The following FAM151B variants were observed in gnomAD, a reference collection of about 807,000 sequenced individuals.
The protein encoded by FAM151B is family with sequence similarity 151 member B, also known as protein FAM151B.
Under a neutral mutation model 31.2 loss-of-function variants are expected in FAM151B, and 24 were observed. That is an observed-to-expected ratio of 0.77 (90% CI 0.56 to 1.08). FAM151B has a LOEUF of 1.08. Ranked by LOEUF, FAM151B falls within the 50% of genes least tolerant of loss-of-function variation. The pLI is 0.00. For missense variants in FAM151B, 293 were observed against 328.6 expected (o/e 0.89, Z 0.84); for synonymous variants, 105 against 111.4 (o/e 0.94, Z 0.36).
intron 5 of FAM151B, among the ~76,000 whole-genome samples, chr5:80,530,296 A>C (rs1745174155): frequency 6.6e-6 from 1 of 152,040 alleles, no homozygotes. Flanking sequence ...ATGGGCAAAA[A>C]CTGGAAGCAT....
intron 2 of FAM151B, among the ~76,000 whole-genome samples, chr5:80,504,680 C>T (rs1012622507): frequency 2.6e-5 from 4 of 151,958 alleles, no homozygotes; most frequent in Admixed American, 6.6e-5. Flanking sequence ...CCACCATGCC[C>T]AGCTAATTTT....
At chr5:80,494,456 T>TTTCTTTCTTTCTTTTC (rs753640131) in intron 1 of FAM151B, among the ~76,000 whole-genome samples, 8 of 82,746 alleles carry the variant, frequency 9.7e-5, no homozygotes, top group African/African-American at 3.5e-4. Flanking sequence ...TCTTTCTTTC[T>TTTCTTTCTTTCTTTTC]TTTCTTTCTT....
intron 5 of FAM151B, among the ~76,000 whole-genome samples, chr5:80,536,232 G>A (rs778591882): frequency 2.0e-5 from 3 of 152,070 alleles, no homozygotes; most frequent in South Asian, 2.1e-4. Context: ...GTGCAATGGC[G>A]TGATCTCGGC....
intron 5 of FAM151B, among the ~76,000 whole-genome samples, chr5:80,529,489 A>G (rs1745124628): frequency 6.6e-6 from 1 of 152,228 alleles, no homozygotes; most frequent in African/African-American, 2.4e-5. Flanking sequence ...ATAGACCGCT[A>G]GCAAGACTAA....
intron 1 of FAM151B, chr5:80,501,146 T>C: frequency 2.7e-6 from 1 of 364,390 alleles, no homozygotes; most frequent in Non-Finnish European, 5.1e-6. Context: ...CTGGAGTAAC[T>C]GGGATTACAG....
At chr5:80,513,838 T>A (rs1242789474) in intron 3 of FAM151B, 69 bp downstream of exon 3, 4 of 1,408,156 alleles carry the variant, frequency 2.8e-6, no homozygotes, top group Non-Finnish European at 3.8e-6. Flanking sequence ...CTATTTTTTT[T>A]AATGTTATCC....
intron 3 of FAM151B, among the ~76,000 whole-genome samples, chr5:80,516,811 T>C (rs1438714620): frequency 6.6e-6 from 1 of 152,244 alleles, no homozygotes; most frequent in East Asian, 1.9e-4. Flanking sequence ...CAATATTGAG[T>C]CTTCCAGGCT....
intron 1 of FAM151B, among the ~76,000 whole-genome samples, chr5:80,489,738 C>T (rs1320950159): frequency 6.6e-6 from 1 of 152,162 alleles, no homozygotes; most frequent in Non-Finnish European, 1.5e-5. Context: ...TCCTGGCTAA[C>T]ACAGTGAAAC....
rs1554059092 is a variant in FAM151B, at chr5:80,538,483, T to TTTCTTTCCTTCC, written c.672-3187_672-3186insTTTCCTTCCTTC. 2.2e-3 allele frequency among the ~76,000 whole-genome samples: 223 copies of TTTCTTTCCTTCC among 101,010 alleles called. 5 individuals carry two copies. The highest frequency in any genetic ancestry group is 5.6e-3 in the Middle Eastern group (1 of 180). The allele number at this position is 101,010 out of a possible 152,430, so 66.3% of individuals were successfully genotyped here. A position where few individuals can be genotyped will look rare whatever the true frequency, so the allele number is the denominator to read the frequency against. On this transcript the variant is annotated intron_variant, in intron 5 of 5. Transcript: ENST00000282226. ...CTTTCTTTCTTTCTTTCTTTCTTTC[T>TTTCTTTCCTTCC]TTCCTTCCTTCCTTCCTTTCTTTTC... is the stretch of plus-strand genomic sequence containing the variant.
chr5:80,489,727 A>G (rs1331146844), intron 1 of FAM151B, among the ~76,000 whole-genome samples: 1 of 152,208 alleles, frequency 6.6e-6, no homozygotes, highest in African/African-American at 2.4e-5. Flanking sequence ...GATCAAGACC[A>G]TCCTGGCTAA....
chr5:80,513,456 A>G, intron 2 of FAM151B, 148 bp from the exon 3 acceptor site: 3 of 692,900 alleles, frequency 4.3e-6, no homozygotes, highest in Non-Finnish European at 4.6e-6. Context: ...CGGACCTTGT[A>G]TACTGCCTGG....
At chr5:80,500,386 G>T in intron 1 of FAM151B, 2 of 1,231,118 alleles carry the variant, frequency 1.6e-6, no homozygotes, top group South Asian at 2.4e-5. Flanking sequence ...AAACCCTTAA[G>T]AAAAAGCAAG....
chr5:80,500,499 G>A (rs1328085634), intron 1 of FAM151B: 2 of 771,318 alleles, frequency 2.6e-6, no homozygotes, highest in Non-Finnish European at 4.6e-6. Context: ...GCAAAACACT[G>A]TCACAAGGAA....
intron 5 of FAM151B, chr5:80,522,637 C>CTGTAGTCTCAGCTACTCGGG (rs1744772490): frequency 6.6e-6 from 1 of 152,156 alleles, no homozygotes; most frequent in African/African-American, 2.4e-5. Flanking sequence ...TGGCAAGCAC[C>CTGTAGTCTCAGCTACTCGGG]TGTAGTCTCA....
Position 80,542,150 on chromosome 5 carries a change from G to T in FAM151B, c.*318G>T, listed in dbSNP as rs1343616404. 1 of 215,222 alleles carries T rather than the reference G, an allele frequency of 4.6e-6. No individual in the cohort carries two copies. The highest frequency in any genetic ancestry group is 9.1e-6 in the Non-Finnish European group (1 of 110,468). The allele number at this position is 215,222 out of a possible 1,614,324, so 13.3% of individuals were successfully genotyped here. On this transcript the variant is annotated 3_prime_UTR_variant, in exon 6 of 6. Coordinates refer to ENST00000282226, the MANE Select transcript of FAM151B (RefSeq NM_205548.3). ...GCAGAATCCATATGTCATAAAACAG[G>T]TATAAATCACATGTGCTTGGCACTT...
chr5:80,538,470 CTT>C lies in FAM151B; in HGVS notation c.672-3201_672-3200del, dbSNP rs1337505071. On this transcript the variant is annotated intron_variant, in intron 5 of 5. Coordinates refer to ENST00000282226, the MANE Select transcript of FAM151B (RefSeq NM_205548.3). ...TTTCTCTTTCTTTCTTTCTTTCTTT[CTT>C]TCTTTCTTTCTTTCCTTCCTTCCTT... Among the ~76,000 whole-genome samples, 215 of 123,248 alleles carry C rather than the reference CTT, an allele frequency of 1.7e-3. 8 individuals carry two copies. The highest frequency in any genetic ancestry group is 4.3e-3 in the African/African-American group (128 of 29,918). 80.9% of individuals were successfully genotyped at this position (123,248 alleles called of 152,430 possible). A position where few individuals can be genotyped will look rare whatever the true frequency, so the allele number is the denominator to read the frequency against.
intron 1 of FAM151B, among the ~76,000 whole-genome samples, chr5:80,495,513 G>A (rs1743498441): frequency 6.6e-6 from 1 of 152,130 alleles, no homozygotes; most frequent in African/African-American, 2.4e-5. Flanking sequence ...TTCAATAGAG[G>A]ATGTAACTGC....
chr5:80,539,545 G>T (rs1580465829), intron 5 of FAM151B, among the ~76,000 whole-genome samples: 1 of 152,130 alleles, frequency 6.6e-6, no homozygotes, highest in African/African-American at 2.4e-5. Flanking sequence ...AAGCTGGAGT[G>T]CAGTGGCACT....
chr5:80,494,344 T>C (rs1010811654), intron 1 of FAM151B, among the ~76,000 whole-genome samples: 2 of 152,226 alleles, frequency 1.3e-5, no homozygotes, highest in African/African-American at 4.8e-5. Context: ...CAGGTGCTAA[T>C]GGAGAAGCTA....
Sources: allele counts gnomAD v4.1 joint callset (sites outside exome capture counted in the v4.1 genomes callset), GRCh38; gene constraint gnomAD v4.1.1; transcripts MANE v1.5; gene names NCBI Gene and HGNC (gene_info 2026-07-23, HGNC 2026-07-21).